The following DAB1 variants were observed in gnomAD, a reference collection of about 807,000 sequenced individuals.
DAB1 encodes disabled homolog 1.
DAB1 carries 15 observed loss-of-function variants against 64.6 expected under a neutral mutation model. That is an observed-to-expected ratio of 0.23 (90% confidence interval 0.16 to 0.36). The LOEUF (loss-of-function observed/expected upper bound fraction) is 0.36. Ranked by LOEUF, DAB1 falls within the 10% of genes least tolerant of loss-of-function variation. DAB1 has a pLI of 1.00. For synonymous variants in DAB1, 235 were observed against 251.9 expected (o/e 0.93, Z 0.64); for missense variants, 596 against 706.7 (o/e 0.84, Z 1.78).
At chr1:57,782,292 A>G (rs928231766) in intron 6 of DAB1, among the ~76,000 whole-genome samples, 2 of 152,160 alleles carry the variant, frequency 1.3e-5, no homozygotes, top group African/African-American at 4.8e-5. Context: ...CTGGTCCCGT[A>G]TTTTACAGAT....
chr1:57,595,227 A>G (rs940008157), intron 7 of DAB1, among the ~76,000 whole-genome samples: 1 of 151,886 alleles, frequency 6.6e-6, no homozygotes, highest in Non-Finnish European at 1.5e-5. Context: ...TTTAGATTCT[A>G]AAATTTTTTT....
intron 2 of DAB1, among the ~76,000 whole-genome samples, chr1:58,515,396 G>T (rs1646143999): frequency 6.6e-6 from 1 of 151,898 alleles, no homozygotes; most frequent in South Asian, 2.1e-4. Context: ...TTGCCAGCAG[G>T]TCATTTCACC....
intron 7 of DAB1, among the ~76,000 whole-genome samples, chr1:57,593,729 A>T (rs1259005020): frequency 6.6e-6 from 1 of 152,172 alleles, no homozygotes; most frequent in Non-Finnish European, 1.5e-5. Context: ...TCAGGATTTT[A>T]AAAAAAGGGT....
At chr1:57,557,070 A>C (rs774737163) in intron 7 of DAB1, among the ~76,000 whole-genome samples, 3 of 152,170 alleles carry the variant, frequency 2.0e-5, no homozygotes, top group Non-Finnish European at 4.4e-5. Flanking sequence ...TGAAGGACAT[A>C]AAGTATTGAT....
At chr1:57,720,187 C>T (rs1222239377) in intron 6 of DAB1, among the ~76,000 whole-genome samples, 1 of 152,198 alleles carries the variant, frequency 6.6e-6, no homozygotes, top group African/African-American at 2.4e-5. Flanking sequence ...ACTCTGTGTA[C>T]TGCACACTCC....
At chr1:58,296,761 A>G (rs904838865) in intron 4 of DAB1, among the ~76,000 whole-genome samples, 1 of 152,126 alleles carries the variant, frequency 6.6e-6, no homozygotes, top group Non-Finnish European at 1.5e-5. Flanking sequence ...TTGTTGTATG[A>G]TTAAAAACCC....
intron 7 of DAB1, among the ~76,000 whole-genome samples, chr1:57,553,476 GGAA>G (rs1570620796): frequency 4.3e-5 from 3 of 69,402 alleles, no homozygotes; most frequent in East Asian, 4.4e-4. Context: ...GGGAAAGAAA[GGAA>G]GGAAGGAAGG....
intron 1 of DAB1, among the ~76,000 whole-genome samples, chr1:58,545,986 T>C (rs572981147): frequency 6.6e-6 from 1 of 152,332 alleles, no homozygotes; most frequent in African/African-American, 2.4e-5. Flanking sequence ...TTGCACGACC[T>C]TGATCAACGC....
At chr1:57,361,474 GTCCT>G (rs2100898811) in intron 1 of DAB1, among the ~76,000 whole-genome samples, 1 of 152,196 alleles carries the variant, frequency 6.6e-6, no homozygotes, top group South Asian at 2.1e-4. Context: ...CAATATCTGT[GTCCT>G]TCCAATAAAA....
intron 5 of DAB1, among the ~76,000 whole-genome samples, chr1:58,082,266 T>A (rs1650039856): frequency 6.6e-6 from 1 of 152,102 alleles, no homozygotes. Context: ...GAGTCAGTGA[T>A]CTCGTTGGAC....
intron 7 of DAB1, among the ~76,000 whole-genome samples, chr1:57,559,317 T>C (rs899735400): frequency 6.6e-6 from 1 of 152,180 alleles, no homozygotes; most frequent in African/African-American, 2.4e-5. Context: ...AGTCTCTCAA[T>C]TTCCAGACTT....
rs145503394 is a variant in DAB1, at chr1:57,813,422, A to T, written n.551+70577T>A. ...ACATCGAGATCCTTTTGTGTGGTAA[A>T]CACTGTGCATTGTATTGGGACACAA... On this transcript the variant is annotated intron_variant and non_coding_transcript_variant, in intron 6 of 20. Coordinates refer to the DAB1 transcript ENST00000485760. Among the ~76,000 whole-genome samples the T allele has an allele frequency of 1.3e-3, 201 of 152,308 alleles. 3 individuals carry two copies. The highest frequency in any genetic ancestry group is 1.3e-4 in the Non-Finnish European group (9 of 68,030).
chr1:58,201,583 CAG>C (rs746189360), intron 4 of DAB1, among the ~76,000 whole-genome samples: 30 of 152,196 alleles, frequency 2.0e-4, no homozygotes, highest in Non-Finnish European at 3.7e-4. Context: ...CAGGGTTTCA[CAG>C]AGAGTCTGTT....
chr1:58,175,210 C>A (rs1373536931), intron 4 of DAB1, among the ~76,000 whole-genome samples: 2 of 152,286 alleles, frequency 1.3e-5, no homozygotes, highest in Non-Finnish European at 2.9e-5. Context: ...AGTGAGACCA[C>A]AAACCCACAA....
intron 6 of DAB1, among the ~76,000 whole-genome samples, chr1:57,811,541 C>T (rs1651623167): frequency 6.6e-6 from 1 of 152,162 alleles, no homozygotes; most frequent in Admixed American, 6.5e-5. Flanking sequence ...GAACCATGAA[C>T]CAATTAAATC....
At chr1:57,684,286 C>T (rs1646669200) in intron 6 of DAB1, among the ~76,000 whole-genome samples, 1 of 151,996 alleles carries the variant, frequency 6.6e-6, no homozygotes, top group Non-Finnish European at 1.5e-5. Flanking sequence ...TGGCTAGATA[C>T]TATGCAAGAT....
intron 5 of DAB1, chr1:58,048,243 G>T: frequency 7.8e-7 from 1 of 1,286,970 alleles, no homozygotes; most frequent in African/African-American, 1.5e-5. Context: ...TGGTTTCACA[G>T]TTTGGCAAAG....
At chr1:57,142,119 C>T (rs767749874) in intron 3 of DAB1, among the ~76,000 whole-genome samples, 2 of 152,090 alleles carry the variant, frequency 1.3e-5, no homozygotes, top group Non-Finnish European at 2.9e-5. Flanking sequence ...TGATGATGAT[C>T]ATGATCATGA....
At chr1:57,840,213 T>A (rs1652987978) in intron 1 of DAB1, among the ~76,000 whole-genome samples, 1 of 152,192 alleles carries the variant, frequency 6.6e-6, no homozygotes, top group Admixed American at 6.5e-5. Flanking sequence ...GCTCAGTGTC[T>A]GGTGGGAGAG....
Sources: gnomAD v4.1 joint callset for allele counts (sites outside exome capture counted in the v4.1 genomes callset) on GRCh38, gnomAD v4.1.1 for gene constraint, MANE v1.5 for transcripts, NCBI Gene and HGNC (gene_info 2026-07-23, HGNC 2026-07-21) for gene names.